Variants in SRPK2 observed in about 807,000 individuals in gnomAD.
SRPK2 encodes the protein SFRS protein kinase 2.
A neutral mutation model predicts 90.8 loss-of-function variants in SRPK2; 21 were observed. The ratio of observed to expected loss-of-function variants is 0.23; its 90% CI spans 0.16 to 0.33. SRPK2 has a LOEUF of 0.33. SRPK2 is among the 10% of genes least tolerant of loss of function. The pLI, the probability that SRPK2 is intolerant of heterozygous loss-of-function variation, is 1.00. For synonymous variants in SRPK2, 288 were observed against 311.1 expected, an observed-to-expected ratio of 0.93 and a Z score of 0.78; for missense variants, 620 against 869.0, an observed-to-expected ratio of 0.71 and a Z score of 3.60.
upstream of SRPK2, among the ~76,000 whole-genome samples, chr7:105,391,289 T>G (rs1403295583): frequency 6.6e-6 from 1 of 152,094 alleles, no homozygotes. Context: ...CTTCGCAACC[T>G]CTGCCTCCCA....
At chr7:105,149,652 A>ATG (rs1562991141) in intron 7 of SRPK2, among the ~76,000 whole-genome samples, 1 of 152,160 alleles carries the variant, frequency 6.6e-6, no homozygotes, top group East Asian at 1.9e-4. Context: ...GTGGAGGGGC[A>ATG]GGCCACTCCT....
intron 2 of SRPK2, among the ~76,000 whole-genome samples, chr7:105,280,671 G>A (rs995166145): frequency 6.7e-6 from 1 of 149,650 alleles, no homozygotes; most frequent in African/African-American, 2.5e-5. Context: ...GGGGGGGCCG[G>A]GCACAGTGGC....
At chr7:105,359,109 T>C (rs778006325) in intron 2 of SRPK2, among the ~76,000 whole-genome samples, 1 of 148,396 alleles carries the variant, frequency 6.7e-6, no homozygotes, top group Admixed American at 6.8e-5. Context: ...AATTTCAACA[T>C]GAGGCTTGGA....
intron 2 of SRPK2, among the ~76,000 whole-genome samples, chr7:105,240,656 AAGG>A (rs1163147952): frequency 2.6e-5 from 4 of 152,196 alleles, no homozygotes; most frequent in Non-Finnish European, 5.9e-5. Flanking sequence ...CAGAAAGTAC[AAGG>A]AGAAGTGACA....
At chr7:105,387,184 T>C (rs1821709355) in intron 2 of SRPK2, among the ~76,000 whole-genome samples, 1 of 152,240 alleles carries the variant, frequency 6.6e-6, no homozygotes, top group African/African-American at 2.4e-5. Context: ...TTTCCACTTG[T>C]TTTTATGTTT....
intron 2 of SRPK2, among the ~76,000 whole-genome samples, chr7:105,345,259 A>C (rs1178953314): frequency 6.6e-6 from 1 of 152,076 alleles, no homozygotes; most frequent in East Asian, 1.9e-4. Flanking sequence ...CACTGAAGGA[A>C]GGAAAGGGGG....
intron 2 of SRPK2, among the ~76,000 whole-genome samples, chr7:105,302,411 T>C (rs1810656195): frequency 6.6e-6 from 1 of 152,236 alleles, no homozygotes; most frequent in Non-Finnish European, 1.5e-5. Context: ...TGCTGTCTTT[T>C]AAAGGAGTAT....
chr7:105,218,189 G>A (rs1797690790), intron 2 of SRPK2, among the ~76,000 whole-genome samples: 1 of 152,198 alleles, frequency 6.6e-6, no homozygotes, highest in African/African-American at 2.4e-5. Context: ...GAAAGGTTGA[G>A]ACCAGATTTT....
intron 4 of SRPK2, among the ~76,000 whole-genome samples, chr7:105,168,694 TTC>T (rs1262353933): frequency 1.4e-5 from 2 of 147,452 alleles, no homozygotes; most frequent in African/African-American, 2.5e-5. Flanking sequence ...GTGAAAACCA[TTC>T]TCTTTTAACA....
chr7:105,232,471 A>T (rs1799557741), intron 2 of SRPK2, among the ~76,000 whole-genome samples: 2 of 150,996 alleles, frequency 1.3e-5, no homozygotes, highest in South Asian at 4.2e-4. Flanking sequence ...AAAAAAAAAA[A>T]AAAAAAAAAA....
At chr7:105,295,813 C>T (rs1809740024) in intron 2 of SRPK2, among the ~76,000 whole-genome samples, 1 of 152,162 alleles carries the variant, frequency 6.6e-6, no homozygotes, top group South Asian at 2.1e-4. Flanking sequence ...TAGTGGCTCA[C>T]ACAATATTTC....
intron 13 of SRPK2, 69 bp downstream of exon 13, chr7:105,132,722 T>C: frequency 7.7e-7 from 1 of 1,295,546 alleles, no homozygotes; most frequent in Middle Eastern, 2.4e-4. Context: ...TCAGAGAGAC[T>C]CAGCCCCATC....
chr7:105,220,450 T>C (rs1190019591), intron 2 of SRPK2, among the ~76,000 whole-genome samples: 1 of 152,036 alleles, frequency 6.6e-6, no homozygotes, highest in African/African-American at 2.4e-5. Flanking sequence ...CGCTTGAACC[T>C]GGGAGGCAGA....
At chr7:105,247,993 T>C (rs546275176) in intron 2 of SRPK2, among the ~76,000 whole-genome samples, 1 of 152,148 alleles carries the variant, frequency 6.6e-6, no homozygotes, top group Admixed American at 6.5e-5. Flanking sequence ...TAGCTGGGAT[T>C]ACAGGCATGC....
At chr7:105,354,011 C>T (rs548783997) in intron 2 of SRPK2, among the ~76,000 whole-genome samples, 2 of 152,318 alleles carry the variant, frequency 1.3e-5, no homozygotes, top group South Asian at 2.1e-4. Context: ...ACAGATGCAG[C>T]GTTCAGGCCA....
intron 2 of SRPK2, among the ~76,000 whole-genome samples, chr7:105,363,460 A>C (rs1818667400): frequency 6.6e-6 from 1 of 152,200 alleles, no homozygotes; most frequent in Non-Finnish European, 1.5e-5. Flanking sequence ...GAGAAATGCA[A>C]ATCAAAACCA....
chr7:105,314,411 G>T (rs1812078718), intron 2 of SRPK2, among the ~76,000 whole-genome samples: 1 of 152,058 alleles, frequency 6.6e-6, no homozygotes, highest in Non-Finnish European at 1.5e-5. Context: ...TTTCAAGACA[G>T]AGTCTTGCTC....
intron 2 of SRPK2, among the ~76,000 whole-genome samples, chr7:105,379,675 T>A (rs1820715581): frequency 6.6e-6 from 1 of 152,114 alleles, no homozygotes; most frequent in African/African-American, 2.4e-5. Context: ...CATCAAACTG[T>A]ACAATTAAGA....
rs1037396124 is a variant in SRPK2, at chr7:105,298,900, C to G, written c.71+89748G>C. 1.6e-5 allele frequency: 9 copies of G among 553,190 alleles called. No homozygotes were observed. In the African/African-American group the frequency reaches 1.8e-4, roughly 11 times the overall value. 34.3% of individuals were successfully genotyped at this position (553,190 alleles called of 1,614,324 possible). A position where few individuals can be genotyped will look rare whatever the true frequency, so the allele number is the denominator to read the frequency against. ...GTAGGCCAACGCCTCATACTCTGTT[C>G]AGCTCAGTTAGCACACAGTGAACCC... On this transcript the variant is annotated intron_variant, in intron 2 of 15. Transcript: ENST00000393651.
Sources: allele counts gnomAD v4.1 joint callset (sites outside exome capture counted in the v4.1 genomes callset), GRCh38; gene constraint gnomAD v4.1.1; transcripts MANE v1.5; gene names NCBI Gene and HGNC (gene_info 2026-07-23, HGNC 2026-07-21).